Variants in KLF17 observed in about 807,000 individuals in gnomAD.
The protein encoded by KLF17 is KLF transcription factor 17.
In KLF17, 31 loss-of-function variants were observed where a neutral mutation model predicts 34.2. The ratio of observed to expected loss-of-function variants is 0.91; its 90% CI spans 0.68 to 1.22. The LOEUF (loss-of-function observed/expected upper bound fraction) is 1.22, where lower values mean the gene tolerates loss of function less well. Ranked by LOEUF, KLF17 falls within the 50% of genes most tolerant of loss-of-function variation. The pLI is 0.00. For synonymous variants in KLF17, 179 were observed against 186.7 expected, an observed-to-expected ratio of 0.96 and a Z score of 0.34; for missense variants, 478 against 505.2, an observed-to-expected ratio of 0.95 and a Z score of 0.52.
chr1:44,073,624 C>A, the KLF17 span, among the ~76,000 whole-genome samples: 5 of 152,004 alleles, frequency 3.3e-5, no homozygotes, highest in African/African-American at 7.3e-5. Context: ...ATTTGAGGAA[C>A]TGAATCCTTT....
At chr1:44,107,547 A>G in the KLF17 span, among the ~76,000 whole-genome samples, 2 of 152,346 alleles carry the variant, frequency 1.3e-5, no homozygotes, top group Admixed American at 6.5e-5. Context: ...TGTTGTTCTG[A>G]GTAGCATGGT....
the KLF17 span, among the ~76,000 whole-genome samples, chr1:44,083,083 G>A: frequency 7.9e-5 from 12 of 151,402 alleles, no homozygotes; most frequent in African/African-American, 7.3e-5. Flanking sequence ...CTAGGACTAC[G>A]GGGCATGCCA....
At chr1:44,117,687 G>T (rs557717414), upstream of KLF17, among the ~76,000 whole-genome samples, 2 of 151,562 alleles carry the variant, frequency 1.3e-5, no homozygotes, top group Non-Finnish European at 2.9e-5. Flanking sequence ...TAGAGACGGG[G>T]TTTCACCATG....
the KLF17 span, among the ~76,000 whole-genome samples, chr1:44,109,277 A>G: frequency 6.6e-6 from 1 of 152,230 alleles, no homozygotes; most frequent in Non-Finnish European, 1.5e-5. Flanking sequence ...TGGTTTATAG[A>G]GACCAGTAAG....
chr1:44,101,671 A>G, the KLF17 span: 1 of 152,200 alleles, frequency 6.6e-6, no homozygotes, highest in Non-Finnish European at 1.5e-5. Context: ...TTTCTCCACT[A>G]TAAAGTTACT....
the KLF17 span, among the ~76,000 whole-genome samples, chr1:44,080,453 T>C: frequency 2.0e-5 from 3 of 151,710 alleles, no homozygotes; most frequent in South Asian, 2.1e-4. Flanking sequence ...TTAGCCAGTA[T>C]GGTCTCCATC....
At chr1:44,059,277 T>C in the KLF17 span, among the ~76,000 whole-genome samples, 1 of 152,164 alleles carries the variant, frequency 6.6e-6, no homozygotes, top group Non-Finnish European at 1.5e-5. Context: ...AATCCTTCTT[T>C]TCTGTTGCTT....
chr1:44,103,244 C>T, the KLF17 span: 2 of 672,024 alleles, frequency 3.0e-6, no homozygotes, highest in Non-Finnish European at 5.4e-6. Flanking sequence ...GCACAGCGGC[C>T]TCCCTCCCGG....
chr1:44,055,973 T>C, the KLF17 span, among the ~76,000 whole-genome samples: 1 of 152,236 alleles, frequency 6.6e-6, no homozygotes, highest in African/African-American at 2.4e-5. Context: ...CTGAAGATGC[T>C]CATTGGTTCA....
At chr1:44,080,035 TCTC>T in the KLF17 span, among the ~76,000 whole-genome samples, 1 of 151,684 alleles carries the variant, frequency 6.6e-6, no homozygotes, top group Admixed American at 6.6e-5. Context: ...TTCAAGCAAT[TCTC>T]CTGTCTCAGC....
At chr1:44,097,072 G>A in the KLF17 span, among the ~76,000 whole-genome samples, 3 of 152,232 alleles carry the variant, frequency 2.0e-5, no homozygotes, top group Admixed American at 2.0e-4. Flanking sequence ...TAACACCATT[G>A]ATTAAATAGG....
At chr1:44,103,706 CT>C in the KLF17 span, 1 of 1,578,924 alleles carries the variant, frequency 6.3e-7, no homozygotes, top group Non-Finnish European at 8.7e-7. Context: ...GGAGGGCGGC[CT>C]CCAGCTCGGA....
chr1:44,118,747 C>T (rs551558040), upstream of KLF17: 387 of 482,280 alleles, frequency 8.0e-4, 2 homozygotes, highest in East Asian at 0.012. Flanking sequence ...GAGGGCGGCG[C>T]AGGGCGGGAC....
At chr1:44,073,209 C>CTTCT in the KLF17 span, among the ~76,000 whole-genome samples, 10 of 137,794 alleles carry the variant, frequency 7.3e-5, no homozygotes, top group East Asian at 2.1e-4. Flanking sequence ...TCTTCTTCTT[C>CTTCT]TTTTTTTTTT....
At chr1:44,059,032 T>A in the KLF17 span, among the ~76,000 whole-genome samples, 1 of 152,136 alleles carries the variant, frequency 6.6e-6, no homozygotes. Context: ...TATCAGGTGT[T>A]GTTGAGTACA....
the KLF17 span, among the ~76,000 whole-genome samples, chr1:44,048,770 T>G: frequency 5.9e-5 from 9 of 152,256 alleles, no homozygotes; most frequent in African/African-American, 2.2e-4. Flanking sequence ...CAGTAAGATT[T>G]ATCTACAAAT....
the KLF17 span, among the ~76,000 whole-genome samples, chr1:44,099,625 C>T: frequency 2.0e-5 from 3 of 150,904 alleles, no homozygotes; most frequent in South Asian, 2.1e-4. Context: ...ACCAGCCTGG[C>T]CAACATGGTT....
chr1:44,103,181 G>C, the KLF17 span: 3 of 584,068 alleles, frequency 5.1e-6, no homozygotes, highest in South Asian at 1.9e-5. Flanking sequence ...CCGCAGGTGG[G>C]CTGAGGGCTA....
the KLF17 span, among the ~76,000 whole-genome samples, chr1:44,087,695 G>T: frequency 7.1e-6 from 1 of 141,034 alleles, no homozygotes; most frequent in African/African-American, 2.6e-5. Context: ...ACTATGCAGA[G>T]AGCTCTCTGG....
Sources: allele counts gnomAD v4.1 joint callset (sites outside exome capture counted in the v4.1 genomes callset), GRCh38; gene constraint gnomAD v4.1.1; transcripts MANE v1.5; gene names NCBI Gene and HGNC (gene_info 2026-07-23, HGNC 2026-07-21).